Variants in BICDL1 observed in about 807,000 individuals in gnomAD.
BICDL1 encodes the protein BICD family like cargo adaptor 1.
BICDL1 carries 20 observed loss-of-function variants against 76.8 expected under a neutral mutation model. That is an observed-to-expected ratio of 0.26 (90% confidence interval 0.18 to 0.38). BICDL1 has a LOEUF of 0.38. BICDL1 is among the 10% of genes least tolerant of loss of function. The pLI, the probability that BICDL1 is intolerant of heterozygous loss-of-function variation, is 1.00. For synonymous variants in BICDL1, 383 were observed against 337.1 expected, an observed-to-expected ratio of 1.14 and a Z score of -1.49; for missense variants, 700 against 798.6, an observed-to-expected ratio of 0.88 and a Z score of 1.49.
At chr12:120,002,809 G>T (rs941593120) in intron 2 of BICDL1, among the ~76,000 whole-genome samples, 1 of 152,068 alleles carries the variant, frequency 6.6e-6, no homozygotes, top group African/African-American at 2.4e-5. Context: ...TACTATGAAG[G>T]GTGATTTGAT....
intron 2 of BICDL1, among the ~76,000 whole-genome samples, chr12:120,034,806 C>G (rs1394818947): frequency 1.3e-5 from 2 of 152,178 alleles, no homozygotes; most frequent in East Asian, 3.8e-4. Context: ...TAGACGTTGA[C>G]CCTGTCCATA....
chr12:120,021,466 A>G (rs988208178), intron 2 of BICDL1, among the ~76,000 whole-genome samples: 2 of 151,356 alleles, frequency 1.3e-5, no homozygotes. Context: ...ACGCGCCTGT[A>G]GTCCCAGCTG....
At chr12:120,056,716 CAA>C (rs546048489) in intron 2 of BICDL1, among the ~76,000 whole-genome samples, 11 of 124,690 alleles carry the variant, frequency 8.8e-5, no homozygotes, top group Non-Finnish European at 8.6e-5. Flanking sequence ...GACTCCGTCT[CAA>C]AAAAAAAAAA....
In BICDL1 at chr12:119,989,243, A is replaced by G. The variant is rs1951460056; in HGVS notation, c.-626A>G. Among the ~76,000 whole-genome samples the G allele has an allele frequency of 6.7e-6, 1 of 149,648 alleles. No homozygotes were observed. Among genetic ancestry groups the G allele is most frequent in the Non-Finnish European group, 1.5e-5 (1 of 67,074 alleles). The stretch of plus-strand genomic sequence containing the variant: ...GGAGGAGCCGGGGAAGGCAGGAAGG[A>G]GCTCGCCGGGTTGCGCGGCGCGCGA... On this transcript the variant is annotated 5_prime_UTR_variant, in exon 1 of 10. Coordinates refer to ENST00000548673, the MANE Select transcript of BICDL1 (RefSeq NM_001367886.1).
At chr12:120,030,677 A>G (rs1488513713) in intron 2 of BICDL1, among the ~76,000 whole-genome samples, 8 of 152,252 alleles carry the variant, frequency 5.3e-5, no homozygotes, top group Admixed American at 5.2e-4. Context: ...CAAGTGCAGG[A>G]TGACCCACAT....
Position 119,990,052 on chromosome 12 carries a change from C to G in BICDL1, c.184C>G (p.Leu62Val), listed in dbSNP as rs1338678676. The change falls in exon 1 of 10, where the codon CTG (leucine) becomes GTG (valine). Residue 62 changes from leucine (L) to valine (V), a missense_variant. Transcript: ENST00000548673. Reference sequence around the variant, plus strand: ...ACTGGCGTTAGAGGAGGAGCTGGCGCTGCTGGCGGCCGGGGAGCGGCCGTC... The same window carrying G: ...ACTGGCGTTAGAGGAGGAGCTGGCGGTGCTGGCGGCCGGGGAGCGGCCGTC... ...LELALEEELA[L>V]LAAGERPSDP... The G allele has an allele frequency of 6.5e-7, 1 of 1,533,776 alleles. No homozygotes were observed. The highest frequency in any genetic ancestry group is 1.4e-5 in the African/African-American group (1 of 71,874).
chr12:120,039,403 G>A (rs1028255820), intron 2 of BICDL1, among the ~76,000 whole-genome samples: 1 of 151,000 alleles, frequency 6.6e-6, no homozygotes, highest in South Asian at 2.1e-4. Flanking sequence ...ACTTTGGGAG[G>A]CCAAGGTGGG....
At chr12:120,037,493 C>T (rs1375946329) in intron 2 of BICDL1, among the ~76,000 whole-genome samples, 1 of 151,708 alleles carries the variant, frequency 6.6e-6, no homozygotes, top group Non-Finnish European at 1.5e-5. Context: ...ATCCTGGCAT[C>T]CCAGATAGAC....
At chr12:120,031,525 A>G (rs1479599797) in intron 2 of BICDL1, among the ~76,000 whole-genome samples, 1 of 152,144 alleles carries the variant, frequency 6.6e-6, no homozygotes, top group Non-Finnish European at 1.5e-5. Flanking sequence ...ATCTGTATTC[A>G]TCAATCACTT....
chr12:120,075,357 G>A (rs972331263), intron 7 of BICDL1, among the ~76,000 whole-genome samples: 6 of 151,370 alleles, frequency 4.0e-5, no homozygotes, highest in African/African-American at 1.5e-4. Flanking sequence ...TGGAATTTAA[G>A]CCTGCCTTTC....
intron 2 of BICDL1, among the ~76,000 whole-genome samples, chr12:120,001,275 C>G (rs1951753556): frequency 6.6e-6 from 1 of 152,038 alleles, no homozygotes. Flanking sequence ...GAGACAGAGT[C>G]TTGCTTTGTC....
chr12:120,042,222 A>G (rs1594156769), intron 2 of BICDL1, among the ~76,000 whole-genome samples: 1 of 152,294 alleles, frequency 6.6e-6, no homozygotes, highest in Middle Eastern at 3.4e-3. Context: ...GGCTTTATAA[A>G]TATCAGCTCA....
At chr12:120,077,180 G>A (rs78941966) in intron 7 of BICDL1, among the ~76,000 whole-genome samples, 3,416 of 152,344 alleles carry the variant, frequency 0.022, 139 homozygotes, top group African/African-American at 0.078. Context: ...GTGGGGGCTG[G>A]AAGCCTATCC....
intron 9 of BICDL1, chr12:120,091,555 C>T (rs1339401914): frequency 1.0e-6 from 1 of 984,812 alleles, no homozygotes; most frequent in Non-Finnish European, 1.2e-6. Context: ...ACAGTGCCAG[C>T]TCTGAGGGGC....
intron 6 of BICDL1, among the ~76,000 whole-genome samples, chr12:120,073,670 AT>A (rs1220193457): frequency 2.6e-5 from 4 of 152,106 alleles, no homozygotes; most frequent in Admixed American, 2.6e-4. Flanking sequence ...CTCACGTTTC[AT>A]CCTCCTACAG....
chr12:120,028,300 CT>C (rs1415343145), intron 2 of BICDL1, among the ~76,000 whole-genome samples: 1 of 152,062 alleles, frequency 6.6e-6, no homozygotes, highest in Non-Finnish European at 1.5e-5. Context: ...TTGTTCTCTA[CT>C]TCTTAGGCTC....
chr12:120,091,101 G>A, intron 9 of BICDL1: 5 of 1,272,184 alleles, frequency 3.9e-6, no homozygotes, highest in Non-Finnish European at 5.1e-6. Flanking sequence ...ATGGCCCACT[G>A]TGTTCTGTGT....
At chr12:120,011,202 G>A (rs1732913762) in intron 2 of BICDL1, among the ~76,000 whole-genome samples, 1 of 152,192 alleles carries the variant, frequency 6.6e-6, no homozygotes, top group African/African-American at 2.4e-5. Context: ...GAAGATTTCT[G>A]TGGGCTATGC....
chr12:120,024,800 G>A (rs1952255768), intron 2 of BICDL1, among the ~76,000 whole-genome samples: 2 of 151,756 alleles, frequency 1.3e-5, no homozygotes, highest in Admixed American at 1.3e-4. Context: ...TGATTGACAG[G>A]TGTGTACCAC....
Sources: gnomAD v4.1 joint callset for allele counts (sites outside exome capture counted in the v4.1 genomes callset) on GRCh38, gnomAD v4.1.1 for gene constraint, MANE v1.5 for transcripts, NCBI Gene and HGNC (gene_info 2026-07-23, HGNC 2026-07-21) for gene names.